Variants in CORO2B observed in about 807,000 individuals in gnomAD.
CORO2B encodes the protein coronin-2B.
In CORO2B, 26 loss-of-function variants were observed where a neutral mutation model predicts 58.8. That is an observed-to-expected ratio of 0.44 (90% CI 0.32 to 0.61). CORO2B has a LOEUF of 0.61. Among genes scored for constraint, CORO2B ranks in the 20% least tolerant of loss-of-function variants. The pLI, the probability that CORO2B is intolerant of heterozygous loss-of-function variation, is 0.04. For synonymous variants in CORO2B, 242 were observed against 253.8 expected, an observed-to-expected ratio of 0.95 and a Z score of 0.44; for missense variants, 460 against 645.1, an observed-to-expected ratio of 0.71 and a Z score of 3.11.
the CORO2B span, among the ~76,000 whole-genome samples, chr15:68,522,221 C>G: frequency 6.6e-6 from 1 of 152,218 alleles, no homozygotes; most frequent in African/African-American, 2.4e-5. Flanking sequence ...TCTTGAATCT[C>G]TAGCTTGATG....
chr15:68,552,269 TC>T, the CORO2B span, among the ~76,000 whole-genome samples: 1 of 152,164 alleles, frequency 6.6e-6, no homozygotes, highest in Non-Finnish European at 1.5e-5. Context: ...TGTTTTGCTC[TC>T]CCAGCCTGGG....
chr15:68,534,234 A>G, the CORO2B span, among the ~76,000 whole-genome samples: 1 of 152,352 alleles, frequency 6.6e-6, no homozygotes, highest in South Asian at 2.1e-4. Flanking sequence ...GTGCATACAC[A>G]TACACACATG....
At chr15:68,578,240 T>C (rs749219377), upstream of CORO2B, among the ~76,000 whole-genome samples, 1 of 152,086 alleles carries the variant, frequency 6.6e-6, no homozygotes. This position sits in a 1 kb window ranked among gnomAD's most constrained non-coding sequence, Gnocchi z 4.2. Context: ...AGTGGTAGTG[T>C]AGACAGTCCT....
chr15:68,636,123 G>A (rs1358761184), intron 1 of CORO2B, among the ~76,000 whole-genome samples: 2 of 152,204 alleles, frequency 1.3e-5, no homozygotes, highest in Non-Finnish European at 2.9e-5. Context: ...TTTTAAGGAT[G>A]CAGGATATAA....
the CORO2B span, among the ~76,000 whole-genome samples, chr15:68,539,749 G>A: frequency 2.6e-5 from 4 of 152,118 alleles, no homozygotes; most frequent in Non-Finnish European, 5.9e-5. Context: ...TTAAATAACA[G>A]CAATAAACAT....
intron 1 of CORO2B, among the ~76,000 whole-genome samples, chr15:68,606,286 G>A (rs1035499140): frequency 2.6e-5 from 4 of 152,170 alleles, no homozygotes; most frequent in African/African-American, 7.2e-5. Flanking sequence ...AAGGGAGTTA[G>A]GGTGGTGGGG....
intron 1 of CORO2B, among the ~76,000 whole-genome samples, chr15:68,638,894 C>T (rs1208229477): frequency 1.3e-5 from 2 of 152,208 alleles, no homozygotes; most frequent in African/African-American, 4.8e-5. Context: ...TCTGCAGGCA[C>T]TGGCCCCTTG....
At chr15:68,705,271 C>G (rs1892755152) in intron 3 of CORO2B, among the ~76,000 whole-genome samples, 1 of 151,990 alleles carries the variant, frequency 6.6e-6, no homozygotes, top group Non-Finnish European at 1.5e-5. Context: ...AACCTTATCT[C>G]TACTAAAAAT....
At chr15:68,671,173 C>G (rs1902381237) in intron 2 of CORO2B, among the ~76,000 whole-genome samples, 1 of 152,228 alleles carries the variant, frequency 6.6e-6, no homozygotes, top group Non-Finnish European at 1.5e-5. Context: ...CACAACCACT[C>G]TCTCCAGCTG....
chr15:68,550,378 A>G, the CORO2B span, among the ~76,000 whole-genome samples: 2 of 152,186 alleles, frequency 1.3e-5, no homozygotes, highest in Non-Finnish European at 2.9e-5. Context: ...TCTGAAAGCC[A>G]GGGGCCTGGT....
chr15:68,533,268 G>T, the CORO2B span, among the ~76,000 whole-genome samples: 6 of 151,938 alleles, frequency 3.9e-5, no homozygotes, highest in Non-Finnish European at 4.4e-5. Flanking sequence ...CAATCTGTTT[G>T]CTAGTTTACT....
intron 1 of CORO2B, among the ~76,000 whole-genome samples, chr15:68,620,073 G>A (rs1900474320): frequency 6.6e-6 from 1 of 151,998 alleles, no homozygotes; most frequent in African/African-American, 2.4e-5. Context: ...CACAACACCT[G>A]GCTAATTTTT....
chr15:68,653,896 C>T (rs924887383), intron 2 of CORO2B, among the ~76,000 whole-genome samples: 2 of 151,332 alleles, frequency 1.3e-5, no homozygotes, highest in Non-Finnish European at 2.9e-5. Context: ...CATCACTGCT[C>T]TGCAGTGAGG....
At chr15:68,650,656 A>G (rs1293591512) in intron 2 of CORO2B, among the ~76,000 whole-genome samples, 1 of 152,252 alleles carries the variant, frequency 6.6e-6, no homozygotes, top group Non-Finnish European at 1.5e-5. Context: ...GACTGCAAAA[A>G]TATACATCAA....
chr15:68,631,225 G>A (rs1900818413), intron 1 of CORO2B, among the ~76,000 whole-genome samples: 1 of 152,220 alleles, frequency 6.6e-6, no homozygotes, highest in Admixed American at 6.5e-5. Context: ...CCAGCCACTT[G>A]CCCGTCAGTG....
chr15:68,585,014 C>T (rs1395722464), intron 1 of CORO2B, among the ~76,000 whole-genome samples: 1 of 152,208 alleles, frequency 6.6e-6, no homozygotes, highest in African/African-American at 2.4e-5. Flanking sequence ...CTCATCCCTC[C>T]TTTTTGCCCC....
chr15:68,547,922 G>A, the CORO2B span, among the ~76,000 whole-genome samples: 2 of 152,256 alleles, frequency 1.3e-5, no homozygotes, highest in African/African-American at 4.8e-5. Flanking sequence ...TGTAGCCCTA[G>A]CACTTTGGGA....
chr15:68,554,204 C>G, the CORO2B span, among the ~76,000 whole-genome samples: 1 of 152,072 alleles, frequency 6.6e-6, no homozygotes, highest in Admixed American at 6.6e-5. Flanking sequence ...GTAGGTGGCG[C>G]TATTGGTCAT....
chr15:68,645,719 C>T lies in CORO2B; in HGVS notation c.216+359C>T, dbSNP rs1901402337. ...CCTGAGTGTCCTCTTGGTTTGGAGC[C>T]GGAAGGGATGAAGACCTAGCCATAG... On this transcript the variant is annotated intron_variant, in intron 2 of 11. Coordinates refer to ENST00000261861, the MANE Select transcript of CORO2B (RefSeq NM_006091.5). The surrounding 1 kb of genome is among the most constrained non-coding windows in gnomAD (Gnocchi z 4.5). Among the ~76,000 whole-genome samples the T allele has an allele frequency of 6.6e-6, 1 of 152,072 alleles. No homozygotes were observed. The highest frequency in any genetic ancestry group is 1.5e-5 in the Non-Finnish European group (1 of 68,022).
Sources: allele counts gnomAD v4.1 joint callset (sites outside exome capture counted in the v4.1 genomes callset), GRCh38; gene constraint gnomAD v4.1.1; non-coding constraint Gnocchi (gnomAD v3.1); transcripts MANE v1.5; gene names NCBI Gene and HGNC (gene_info 2026-07-23, HGNC 2026-07-21).